ALG9: variants seen among roughly 807,000 people sequenced by gnomAD.
ALG9 encodes alpha-1,2-mannosyltransferase ALG9.
A neutral mutation model predicts 81.8 loss-of-function variants in ALG9; 55 were observed. That is an observed-to-expected ratio of 0.67 (90% confidence interval 0.54 to 0.84). The LOEUF (loss-of-function observed/expected upper bound fraction) is 0.84. ALG9 is among the 40% of genes least tolerant of loss of function. The pLI is 0.00. For missense variants in ALG9, 629 were observed against 745.0 expected (o/e 0.84, Z 1.81); for synonymous variants, 278 against 274.3 (o/e 1.01, Z -0.13).
chr11:111,868,576 T>C, intron 3 of ALG9, 26 bp downstream of exon 3: 2 of 1,610,378 alleles, frequency 1.2e-6, no homozygotes, highest in Non-Finnish European at 1.7e-6. Context: ...TCAATTGTGA[T>C]TGCTTCCAGG....
chr11:111,780,511 C>T (rs186181687), downstream of ALG9, among the ~76,000 whole-genome samples: 16 of 151,958 alleles, frequency 1.1e-4, no homozygotes, highest in East Asian at 3.1e-3. Context: ...ATTCTCATGT[C>T]TCAGCCTCCC....
intron 9 of ALG9, among the ~76,000 whole-genome samples, chr11:111,843,405 A>G (rs1263161845): frequency 6.6e-6 from 1 of 152,212 alleles, no homozygotes; most frequent in Non-Finnish European, 1.5e-5. Flanking sequence ...TGGGTATTAG[A>G]TGATATTAAG....
In ALG9 at chr11:111,867,044, G is replaced by A. The variant is rs182906953; in HGVS notation, c.405+1558C>T. 6.9e-3 allele frequency among the ~76,000 whole-genome samples: 1,044 copies of A among 152,270 alleles called. 6 individuals are homozygous for A. Among genetic ancestry groups the A allele is most frequent in the Middle Eastern group, 0.051 (15 of 294 alleles). ...CGGGAAACGGAGGTTGCTGTGAGCCGAGATCACATCACTGCACTCCAGCCT... is the reference window on the plus strand; with the variant it reads ...CGGGAAACGGAGGTTGCTGTGAGCCAAGATCACATCACTGCACTCCAGCCT... On this transcript the variant is annotated intron_variant, in intron 3 of 14. Coordinates refer to ENST00000616540, the MANE Select transcript of ALG9 (RefSeq NM_024740.2).
chr11:111,770,433 A>G, the ALG9 span, among the ~76,000 whole-genome samples: 1 of 152,234 alleles, frequency 6.6e-6, no homozygotes, highest in Non-Finnish European at 1.5e-5. Context: ...ATGACTTATC[A>G]ATAAGCAATT....
At chr11:111,858,749 C>A (rs1297877045) in intron 5 of ALG9, among the ~76,000 whole-genome samples, 1 of 152,162 alleles carries the variant, frequency 6.6e-6, no homozygotes, top group African/African-American at 2.4e-5. Context: ...AAATCAGTAT[C>A]AACTACAAAA....
At chr11:111,802,513 C>T (rs569298362) in intron 14 of ALG9, among the ~76,000 whole-genome samples, 182 of 152,136 alleles carry the variant, frequency 1.2e-3, no homozygotes, top group Non-Finnish European at 2.1e-3. Flanking sequence ...GCGGGATGCC[C>T]GGAGACGGCA....
chr11:111,844,053 AGTGCAGCGGCG>A (rs1485980562), intron 9 of ALG9, among the ~76,000 whole-genome samples: 215 of 152,186 alleles, frequency 1.4e-3, no homozygotes, highest in African/African-American at 5.0e-3. Context: ...GCTCAGCTGG[AGTGCAGCGGCG>A]CAGGGTCTTG....
intron 13 of ALG9, among the ~76,000 whole-genome samples, chr11:111,832,475 C>A (rs1954545315): frequency 6.6e-6 from 1 of 151,888 alleles, no homozygotes; most frequent in Non-Finnish European, 1.5e-5. Context: ...GACTGAATCT[C>A]GCTATGTTGT....
In ALG9 at chr11:111,844,735, A is replaced by C; in HGVS notation, c.896-12T>G. On this transcript the variant is annotated splice_polypyrimidine_tract_variant and intron_variant, in intron 8 of 14. Transcript: ENST00000616540. ...CCAGGGTTCTGTACCTGAGGGAGAC[A>C]TAAAGGTAAGAAATCATTAGTGGAT... 1 of 1,613,276 alleles carries C rather than the reference A, an allele frequency of 6.2e-7. No individual in the cohort carries two copies. The highest frequency in any genetic ancestry group is 8.5e-7 in the Non-Finnish European group (1 of 1,179,372).
At chr11:111,816,634 G>A (rs1555097489) in intron 13 of ALG9, among the ~76,000 whole-genome samples, 1 of 152,136 alleles carries the variant, frequency 6.6e-6, no homozygotes, top group African/African-American at 2.4e-5. Context: ...ATAACTCACT[G>A]CAGCCTCAAC....
At chr11:111,869,914 C>G (rs777433596) in intron 2 of ALG9, among the ~76,000 whole-genome samples, 2 of 152,104 alleles carry the variant, frequency 1.3e-5, no homozygotes, top group Non-Finnish European at 2.9e-5. Flanking sequence ...CATGATCAAG[C>G]ATTTCTCCTG....
chr11:111,810,998 CAGAAGAAACAGAAA>C (rs1758845088), intron 13 of ALG9, among the ~76,000 whole-genome samples: 2 of 151,890 alleles, frequency 1.3e-5, no homozygotes, highest in Non-Finnish European at 2.9e-5. Flanking sequence ...AAACACAGGG[CAGAAGAAACAGAAA>C]GGAAGAAACA....
intron 13 of ALG9, among the ~76,000 whole-genome samples, chr11:111,813,675 C>A (rs74668380): frequency 0.011 from 1,655 of 151,996 alleles, 35 homozygotes; most frequent in African/African-American, 0.038. Flanking sequence ...GACAAACCAC[C>A]CAAAAGAAAA....
intron 13 of ALG9, among the ~76,000 whole-genome samples, chr11:111,816,602 G>C (rs1192003671): frequency 6.6e-6 from 1 of 151,196 alleles, no homozygotes; most frequent in Non-Finnish European, 1.5e-5. Context: ...TGTTGCCCAA[G>C]CTGGAGTGCA....
chr11:111,834,660 T>A (rs1337578754), intron 13 of ALG9, among the ~76,000 whole-genome samples: 1 of 152,170 alleles, frequency 6.6e-6, no homozygotes, highest in Non-Finnish European at 1.5e-5. Flanking sequence ...TTTTTACTAC[T>A]CCATTTTTAC....
chr11:111,859,715 G>A (rs554812487), intron 5 of ALG9, among the ~76,000 whole-genome samples: 1 of 152,132 alleles, frequency 6.6e-6, no homozygotes, highest in African/African-American at 2.4e-5. Flanking sequence ...TCACTCTGGA[G>A]TACAGCCCTG....
chr11:111,870,703 T>C, intron 1 of ALG9: 1 of 1,026,432 alleles, frequency 9.7e-7, no homozygotes, highest in Non-Finnish European at 1.2e-6. Flanking sequence ...TTTTAAGGCA[T>C]AAATTAACTC....
At chr11:111,828,859 A>T (rs570043208) in intron 13 of ALG9, 1 of 152,340 alleles carries the variant, frequency 6.6e-6, no homozygotes, top group East Asian at 1.9e-4. Context: ...TCCGACCCAA[A>T]GAAAATCACC....
chr11:111,821,628 T>C (rs1952397546), intron 13 of ALG9, among the ~76,000 whole-genome samples: 2 of 152,040 alleles, frequency 1.3e-5, no homozygotes, highest in Admixed American at 1.3e-4. Flanking sequence ...ACTTCCGCTG[T>C]TTCCCCAGGC....
Sources: allele counts gnomAD v4.1 joint callset (sites outside exome capture counted in the v4.1 genomes callset), GRCh38; gene constraint gnomAD v4.1.1; transcripts MANE v1.5; gene names NCBI Gene and HGNC (gene_info 2026-07-23, HGNC 2026-07-21).